Variants in PCDHA4 observed in about 807,000 individuals in gnomAD.
PCDHA4 encodes protocadherin alpha-4.
Under a neutral mutation model 61.4 loss-of-function variants are expected in PCDHA4, and 49 were observed. That is an observed-to-expected ratio of 0.80 (90% CI 0.63 to 1.01). PCDHA4 has a LOEUF of 1.01. Among genes scored for constraint, PCDHA4 ranks in the 50% least tolerant of loss-of-function variants. The pLI is 0.00. For synonymous variants in PCDHA4, 590 were observed against 550.3 expected (o/e 1.07, Z -1.01); for missense variants, 1,254 against 1,235.8 (o/e 1.01, Z -0.22).
intron 1 of PCDHA4, chr5:140,966,878 G>A (rs2096064555): frequency 6.3e-7 from 1 of 1,587,174 alleles, no homozygotes; most frequent in African/African-American, 1.3e-5. Flanking sequence ...GCTGCTACCT[G>A]GCCCTGCGGC....
intron 1 of PCDHA4, chr5:140,823,073 C>T: frequency 6.2e-7 from 1 of 1,614,010 alleles, no homozygotes; most frequent in African/African-American, 1.3e-5. Context: ...GGCTCGCCTT[C>T]GCTGTGGGCC....
At chr5:140,849,973 C>T in intron 1 of PCDHA4, 1 of 1,597,728 alleles carries the variant, frequency 6.3e-7, no homozygotes. Context: ...GTGTCCTACT[C>T]GCTGGTGGAG....
intron 3 of PCDHA4, among the ~76,000 whole-genome samples, chr5:140,987,254 T>C (rs1358606591): frequency 1.3e-5 from 2 of 151,878 alleles, no homozygotes; most frequent in Non-Finnish European, 1.5e-5. Flanking sequence ...AAAGACATTC[T>C]CAGGAATGGG....
intron 1 of PCDHA4, chr5:140,867,112 T>C (rs1446733026): frequency 6.6e-6 from 1 of 152,146 alleles, no homozygotes; most frequent in Non-Finnish European, 1.5e-5. Flanking sequence ...AATTAACATA[T>C]TGTTTTAATT....
In PCDHA4 at chr5:140,809,378, G is replaced by A. The variant is rs77547730; in HGVS notation, c.2191G>A (p.Ala731Thr). ...LRCSALPTEG[A>T]CAPGKPTLVC... ...GTGCTCTGCGCTGCCCACCGAGGGC[G>A]CGTGCGCTCCGGGCAAGCCCACGCT... The change falls in exon 1 of 4, where the codon GCG (alanine) becomes ACG (threonine). Residue 731 changes from alanine to threonine, a missense_variant. Physicochemically the swap from Ala to Thr is moderately conservative, Grantham distance 58. Coordinates refer to ENST00000530339, the MANE Select transcript of PCDHA4 (RefSeq NM_018907.4). 2.5e-6 allele frequency: 4 copies of A among 1,614,046 alleles called. No homozygotes were observed. The highest frequency in any genetic ancestry group is 1.3e-5 in the African/African-American group (1 of 75,080).
chr5:140,871,799 T>C (rs1183689356), intron 1 of PCDHA4, among the ~76,000 whole-genome samples: 2 of 152,196 alleles, frequency 1.3e-5, no homozygotes, highest in Non-Finnish European at 2.9e-5. Context: ...AAATAATTAC[T>C]ATTTTCACTA....
At chr5:140,882,000 G>A in intron 1 of PCDHA4, 1 of 477,842 alleles carries the variant, frequency 2.1e-6, no homozygotes, top group Non-Finnish European at 3.5e-6. Flanking sequence ...GGAAATGCAA[G>A]GGGCAAAAAA....
intron 1 of PCDHA4, among the ~76,000 whole-genome samples, chr5:140,974,552 C>A (rs1554236185): frequency 6.6e-6 from 1 of 152,112 alleles, no homozygotes; most frequent in Non-Finnish European, 1.5e-5. Context: ...GCTCTTGTTG[C>A]CCAGGCTGGA....
At chr5:140,931,935 G>A (rs1456832226) in intron 1 of PCDHA4, among the ~76,000 whole-genome samples, 2 of 151,826 alleles carry the variant, frequency 1.3e-5, no homozygotes, top group East Asian at 1.9e-4. Context: ...ATTATAATGT[G>A]TGTCTGAGTC....
At chr5:140,820,522 G>A (rs2150107186) in intron 1 of PCDHA4, among the ~76,000 whole-genome samples, 2 of 152,094 alleles carry the variant, frequency 1.3e-5, no homozygotes, top group East Asian at 1.9e-4. Flanking sequence ...CAAGCAGAAT[G>A]TTAGCTATTT....
chr5:140,925,964 CA>C lies in PCDHA4; in HGVS notation c.2386-52976del, dbSNP rs782520997. Among the ~76,000 whole-genome samples the C allele has an allele frequency of 8.1e-3, 1,224 of 150,190 alleles. 5 individuals carry two copies. The highest frequency in any genetic ancestry group is 0.019 in the African/African-American group (788 of 40,962). ...TGGAGAAGGAGAAACTGCTATCACG[CA>C]AAAAAAAAGCCTTGAGCTCGCTGGC... On this transcript the variant is annotated intron_variant, in intron 1 of 3. Transcript: ENST00000530339.
intron 1 of PCDHA4, chr5:140,836,643 A>G: frequency 6.2e-7 from 1 of 1,613,476 alleles, no homozygotes; most frequent in Non-Finnish European, 8.5e-7. Flanking sequence ...CTCCCAGCAG[A>G]GGCGGCAGAG....
At chr5:140,850,679 C>A in intron 1 of PCDHA4, 1 of 1,598,496 alleles carries the variant, frequency 6.3e-7, no homozygotes, top group Non-Finnish European at 8.6e-7. Flanking sequence ...CGATGCCCAC[C>A]GAGGGCGAGT....
At chr5:140,882,049 T>G in intron 1 of PCDHA4, 2 of 752,814 alleles carry the variant, frequency 2.7e-6, no homozygotes, top group Non-Finnish European at 4.1e-6. Context: ...TGAGTCATAC[T>G]TACACTTACA....
At chr5:140,871,418 G>A in intron 1 of PCDHA4, 4 of 1,613,874 alleles carry the variant, frequency 2.5e-6, no homozygotes, top group Admixed American at 1.7e-5. Context: ...ATGGCCTTCA[G>A]CCCCAGTCTT....
intron 1 of PCDHA4, chr5:140,836,035 T>C (rs1214967185): frequency 1.2e-6 from 2 of 1,613,438 alleles, no homozygotes; most frequent in Non-Finnish European, 8.5e-7. Context: ...AACGTGACGC[T>C]GCAGGTGTTC....
intron 1 of PCDHA4, chr5:140,811,408 T>C (rs1764861885): frequency 6.6e-6 from 1 of 152,244 alleles, no homozygotes; most frequent in Non-Finnish European, 1.5e-5. Context: ...CGGTCTATCA[T>C]TGATGGACAT....
intron 1 of PCDHA4, among the ~76,000 whole-genome samples, chr5:140,906,181 T>C (rs944915696): frequency 6.6e-6 from 1 of 152,170 alleles, no homozygotes. Flanking sequence ...CTTTGCATCC[T>C]TCAATCCAAT....
chr5:140,928,036 G>T, intron 1 of PCDHA4: 1 of 1,614,158 alleles, frequency 6.2e-7, no homozygotes, highest in Non-Finnish European at 8.5e-7. Context: ...CATGTCTAGT[G>T]CAGGCCCTTT....
Sources: gnomAD v4.1 joint callset for allele counts (sites outside exome capture counted in the v4.1 genomes callset) on GRCh38, gnomAD v4.1.1 for gene constraint, MANE v1.5 for transcripts, NCBI Gene and HGNC (gene_info 2026-07-23, HGNC 2026-07-21) for gene names.